ADD1: variants seen among roughly 807,000 people sequenced by gnomAD.
The protein encoded by ADD1 is adducin 1, also known as alpha-adducin.
In ADD1, 24 loss-of-function variants were observed where a neutral mutation model predicts 80.5. That is an observed-to-expected ratio of 0.30 (90% confidence interval 0.22 to 0.42). The LOEUF (loss-of-function observed/expected upper bound fraction) is 0.42. Ranked by LOEUF, ADD1 falls within the 10% of genes least tolerant of loss-of-function variation. ADD1 has a pLI of 1.00. For missense variants in ADD1, 948 were observed against 1,019.0 expected, an observed-to-expected ratio of 0.93 and a Z score of 0.95; for synonymous variants, 373 against 393.8, an observed-to-expected ratio of 0.95 and a Z score of 0.63.
rs1446593941 is a variant in ADD1, at chr4:2,928,220, T to C, written c.2097T>C (p.Phe699=). ...TTGDDSDAAT[F]KPTLPDLSPD... ...GAGATGACAGTGATGCTGCCACCTT[T>C]AAGCCAACTCTCCCCGATCTGTCCC... The change falls in exon 16 of 16, where the codon TTT becomes TTC. Residue 699 remains phenylalanine (F), a synonymous_variant. Coordinates refer to ENST00000683351, the MANE Select transcript of ADD1 (RefSeq NM_001354761.2). 6.2e-7 allele frequency: 1 copy of C among 1,614,106 alleles called. No individual in the cohort carries two copies. Among genetic ancestry groups the C allele is most frequent in the Non-Finnish European group, 8.5e-7 (1 of 1,180,034 alleles).
At chr4:2,875,785 G>A in intron 1 of ADD1, 111 bp from the exon 2 acceptor site, 1 of 898,862 alleles carries the variant, frequency 1.1e-6, no homozygotes, top group Non-Finnish European at 1.6e-6. Context: ...CTGTCAGTTG[G>A]TCATTACATC....
At chr4:2,916,070 T>G (rs1001129997) in intron 14 of ADD1, among the ~76,000 whole-genome samples, 8 of 152,242 alleles carry the variant, frequency 5.3e-5, no homozygotes, top group African/African-American at 1.9e-4. Context: ...GCATTGGTCC[T>G]TCTCCCAGGG....
chr4:2,886,161 CTT>C (rs1733328448), intron 4 of ADD1, among the ~76,000 whole-genome samples: 1 of 152,226 alleles, frequency 6.6e-6, no homozygotes, highest in South Asian at 2.1e-4. Flanking sequence ...TTCCATCTCT[CTT>C]GAGGCAAGCA....
At position 2,888,227 on chromosome 4, in the gene ADD1, C is replaced by T. The variant is rs116456019; in HGVS notation, c.510+3561C>T. Among the ~76,000 whole-genome samples, 1,445 of 150,746 alleles carry T rather than the reference C, an allele frequency of 9.6e-3. 23 individuals carry two copies. Among genetic ancestry groups the T allele is most frequent in the African/African-American group, 0.033 (1,363 of 41,058 alleles). ...ATGTGCCACCATGCGCAGGTGTGCA[C>T]CACCATGCCACTAGCTGATTTTAGT... On this transcript the variant is annotated intron_variant, in intron 4 of 15. Coordinates refer to ENST00000683351, the MANE Select transcript of ADD1 (RefSeq NM_001354761.2).
intron 1 of ADD1, among the ~76,000 whole-genome samples, chr4:2,845,261 C>T (rs1238525145): frequency 1.3e-5 from 2 of 152,066 alleles, no homozygotes; most frequent in South Asian, 2.1e-4. Flanking sequence ...TTAGTAGAGA[C>T]GGGGTTTCAC....
At chr4:2,887,032 C>A (rs1056971855) in intron 4 of ADD1, among the ~76,000 whole-genome samples, 6 of 152,176 alleles carry the variant, frequency 3.9e-5, no homozygotes, top group African/African-American at 1.4e-4. Context: ...GGTTAAATTG[C>A]TTGTTTTCTC....
intron 1 of ADD1, among the ~76,000 whole-genome samples, chr4:2,874,889 T>C (rs1308974686): frequency 6.6e-6 from 1 of 152,120 alleles, no homozygotes; most frequent in Non-Finnish European, 1.5e-5. Context: ...ACCTAATGAA[T>C]CTTAATTTGT....
At chr4:2,918,469 T>A (rs1739444428) in intron 14 of ADD1, among the ~76,000 whole-genome samples, 1 of 152,210 alleles carries the variant, frequency 6.6e-6, no homozygotes. Context: ...ACAGAGACAA[T>A]TTGACTTCCT....
intron 2 of ADD1, among the ~76,000 whole-genome samples, chr4:2,878,560 G>A (rs73189453): frequency 0.036 from 5,548 of 152,272 alleles, 143 homozygotes; most frequent in Non-Finnish European, 0.058. Context: ...GTGTGTGCCA[G>A]GCATTGTTCT....
At chr4:2,856,579 C>T (rs1210878016) in intron 1 of ADD1, among the ~76,000 whole-genome samples, 1 of 142,250 alleles carries the variant, frequency 7.0e-6, no homozygotes, top group Non-Finnish European at 1.5e-5. Flanking sequence ...TAAATGGTTA[C>T]TAGAGTTTTT....
At chr4:2,905,952 A>G (rs973841852) in intron 10 of ADD1, among the ~76,000 whole-genome samples, 2 of 152,082 alleles carry the variant, frequency 1.3e-5, no homozygotes, top group Admixed American at 1.3e-4. Flanking sequence ...GAAGAGGCCC[A>G]TTTCCAGAAG....
chr4:2,903,433 A>G (rs80214675), intron 9 of ADD1, among the ~76,000 whole-genome samples: 2,087 of 152,206 alleles, frequency 0.014, 52 homozygotes, highest in African/African-American at 0.047. Flanking sequence ...AGCGAACTCA[A>G]CCTAGGGTCT....
chr4:2,866,855 G>A (rs1293395955), intron 1 of ADD1, among the ~76,000 whole-genome samples: 1 of 152,146 alleles, frequency 6.6e-6, no homozygotes, highest in Non-Finnish European at 1.5e-5. Context: ...TGGATTGCTT[G>A]AGCCCAGGAG....
intron 14 of ADD1, among the ~76,000 whole-genome samples, chr4:2,915,436 C>T (rs141838703): frequency 1.9e-4 from 29 of 152,242 alleles, no homozygotes; most frequent in African/African-American, 6.0e-4. Flanking sequence ...GTCAGGAGAT[C>T]GAGACCATCC....
chr4:2,882,854 G>A (rs1348555434), intron 3 of ADD1, among the ~76,000 whole-genome samples: 1 of 150,988 alleles, frequency 6.6e-6, no homozygotes, highest in Non-Finnish European at 1.5e-5. Context: ...TGTGGATTCC[G>A]TTTTTTTTTG....
At chr4:2,872,840 A>T (rs533836934) in intron 1 of ADD1, among the ~76,000 whole-genome samples, 1 of 152,312 alleles carries the variant, frequency 6.6e-6, no homozygotes, top group East Asian at 1.9e-4. Context: ...GATTACAGGC[A>T]TGAGCCACCA....
chr4:2,909,500 CCT>C, intron 13 of ADD1, 69 bp downstream of exon 13: 1 of 1,071,230 alleles, frequency 9.3e-7, no homozygotes. Context: ...CTCCCCGTCT[CCT>C]CTCTTCAGGC....
In ADD1 at chr4:2,849,676, G is replaced by A. The variant is rs553285827; in HGVS notation, c.-21+5652G>A. ...GGGCTTAATTTAAATTTGCTTTGTG[G>A]ATTAACGTATTGAGAATGATTTAGG... On this transcript the variant is annotated intron_variant, in intron 1 of 15. Coordinates refer to ENST00000683351, the MANE Select transcript of ADD1 (RefSeq NM_001354761.2). Among the ~76,000 whole-genome samples, 10 of 152,298 alleles carry A rather than the reference G, an allele frequency of 6.6e-5. No individual in the cohort carries two copies. The East Asian group carries it at 1.9e-3, about 29-fold the overall frequency.
intron 1 of ADD1, among the ~76,000 whole-genome samples, chr4:2,872,954 T>C (rs1730685461): frequency 6.6e-6 from 1 of 152,082 alleles, no homozygotes; most frequent in South Asian, 2.1e-4. Flanking sequence ...TTTGCATGTT[T>C]TTCCCTTTCT....
Sources: allele counts gnomAD v4.1 joint callset (sites outside exome capture counted in the v4.1 genomes callset), GRCh38; gene constraint gnomAD v4.1.1; transcripts MANE v1.5; gene names NCBI Gene and HGNC (gene_info 2026-07-23, HGNC 2026-07-21).